STAT6: variants seen among roughly 807,000 people sequenced by gnomAD.
The protein encoded by STAT6 is STAT, interleukin4-induced.
Under a neutral mutation model 106.3 loss-of-function variants are expected in STAT6, and 45 were observed. The observed-to-expected ratio is 0.42, with a 90% CI of 0.33 to 0.54. The LOEUF (loss-of-function observed/expected upper bound fraction) is 0.54. Ranked by LOEUF, STAT6 falls within the 20% of genes least tolerant of loss-of-function variation. STAT6 has a pLI of 0.06. For missense variants in STAT6, 797 were observed against 1,062.2 expected, an observed-to-expected ratio of 0.75 and a Z score of 3.47; for synonymous variants, 413 against 413.6, an observed-to-expected ratio of 1.00 and a Z score of 0.02.
intron 13 of STAT6, among the ~76,000 whole-genome samples, chr12:57,100,684 GAAAGAAAGAA>G (rs2033814071): frequency 4.5e-5 from 3 of 66,132 alleles, no homozygotes; most frequent in East Asian, 3.6e-4. Context: ...AAGAAAGAAA[GAAAGAAAGAA>G]AGAAAGAGAA....
rs112286643 is a variant in STAT6, at chr12:57,102,681, A to ACTT, written c.1305+147_1305+148insAAG. On this transcript the variant is annotated intron_variant, in intron 12 of 21. Transcript: ENST00000300134. ...TAGTTGTTAAGACTGGGGTGAAAAG[A>ACTT]GGTCAGAAGCACGAAAGCAGGCCCA... The ACTT allele has an allele frequency of 9.8e-4, 880 of 894,994 alleles. 9 individuals carry two copies. The African/African-American group carries it at 0.013, about 13-fold the overall frequency. The allele number at this position is 894,994 out of a possible 1,614,324, so 55.4% of individuals were successfully genotyped here.
Position 57,096,623 on chromosome 12 carries a change from T to A in STAT6, c.2493A>T (p.Gln831His). The A allele has an allele frequency of 6.2e-7, 1 of 1,608,454 alleles. No individual in the cohort carries two copies. Among genetic ancestry groups the A allele is most frequent in the South Asian group, 1.1e-5 (1 of 90,482 alleles). Residue 831 changes from glutamine to histidine, a missense_variant, in exon 22 of 22, where the codon CAA becomes CAT. Gln to His is a conservative substitution (Grantham distance 24, BLOSUM62 0). This residue lies in a region of STAT6 where 226 missense variants were observed against 236.7 expected (regional missense o/e 0.95). Coordinates refer to ENST00000300134, the MANE Select transcript of STAT6 (RefSeq NM_003153.5). Reference protein sequence around the residue: ...QPLLQPSHYGQSGISMSHMDL... With the variant: ...QPLLQPSHYGHSGISMSHMDL... Reference sequence around the variant, plus strand: ...CCATGTGGGACATTGAGATCCCAGATTGCCCATAGTGGGAGGGCTGCAGGA... The same window carrying A: ...CCATGTGGGACATTGAGATCCCAGAATGCCCATAGTGGGAGGGCTGCAGGA...
Sources: gnomAD v4.1 joint callset for allele counts (sites outside exome capture counted in the v4.1 genomes callset) on GRCh38, gnomAD v4.1.1 for gene constraint, gnomAD v4.1.1 regional missense constraint, MANE v1.5 for transcripts, NCBI Gene and HGNC (gene_info 2026-07-23, HGNC 2026-07-21) for gene names.